PDE10A: variants seen among roughly 807,000 people sequenced by gnomAD.
The protein encoded by PDE10A is phosphodiesterase 10A.
PDE10A carries 39 observed loss-of-function variants against 97.7 expected under a neutral mutation model. That is an observed-to-expected ratio of 0.40 (90% confidence interval 0.31 to 0.52). The LOEUF (loss-of-function observed/expected upper bound fraction) is 0.52. Among genes scored for constraint, PDE10A ranks in the 20% least tolerant of loss-of-function variants. PDE10A has a pLI of 0.56. For synonymous variants in PDE10A, 371 were observed against 376.8 expected (o/e 0.98, Z 0.18); for missense variants, 731 against 1,047.8 (o/e 0.70, Z 4.17).
intron 1 of PDE10A, among the ~76,000 whole-genome samples, chr6:165,881,083 A>G (rs1781459196): frequency 6.6e-6 from 1 of 152,248 alleles, no homozygotes; most frequent in African/African-American, 2.4e-5. Context: ...AAACAAAACC[A>G]GACTTTGAAA....
At chr6:165,962,762 A>T (rs752181440) in intron 1 of PDE10A, among the ~76,000 whole-genome samples, 49 of 152,236 alleles carry the variant, frequency 3.2e-4, no homozygotes, top group Non-Finnish European at 6.9e-4. Flanking sequence ...ATTCTGGTTC[A>T]TAAAACCAAT....
At chr6:165,929,874 G>A (rs934518591) in intron 1 of PDE10A, among the ~76,000 whole-genome samples, 2 of 152,140 alleles carry the variant, frequency 1.3e-5, no homozygotes, top group South Asian at 4.2e-4. Flanking sequence ...GGCAGCAGGT[G>A]GGAAGAGAGT....
intron 1 of PDE10A, among the ~76,000 whole-genome samples, chr6:165,683,121 G>T (rs1301520790): frequency 1.3e-5 from 2 of 152,214 alleles, no homozygotes; most frequent in African/African-American, 4.8e-5. Flanking sequence ...TGAATGAACA[G>T]CAGGAAGGAA....
At chr6:165,642,938 A>G (rs896539466) in intron 1 of PDE10A, among the ~76,000 whole-genome samples, 2 of 152,130 alleles carry the variant, frequency 1.3e-5, no homozygotes, top group African/African-American at 4.8e-5. Flanking sequence ...TATGCCTCAT[A>G]CATATTTTTG....
intron 1 of PDE10A, among the ~76,000 whole-genome samples, chr6:165,860,192 G>A (rs538566855): frequency 1.3e-4 from 20 of 152,126 alleles, no homozygotes; most frequent in African/African-American, 3.4e-4. Context: ...AGTGGCTCAC[G>A]CCTGTAATCC....
At chr6:165,860,436 G>A (rs1562771490) in intron 1 of PDE10A, among the ~76,000 whole-genome samples, 1 of 152,122 alleles carries the variant, frequency 6.6e-6, no homozygotes, top group African/African-American at 2.4e-5. Context: ...TGGGCAACAA[G>A]AGTGAAACTC....
chr6:165,436,106 T>C (rs1397628247), intron 5 of PDE10A, among the ~76,000 whole-genome samples: 2 of 152,222 alleles, frequency 1.3e-5, no homozygotes, highest in Non-Finnish European at 2.9e-5. Flanking sequence ...ACTTTAATCA[T>C]GTAGAAATTG....
chr6:165,826,319 C>T (rs1343411155), intron 1 of PDE10A, among the ~76,000 whole-genome samples: 1 of 149,950 alleles, frequency 6.7e-6, no homozygotes, highest in Admixed American at 6.6e-5. Context: ...TCCCTCTGTC[C>T]CTGCATCCTT....
intron 18 of PDE10A, among the ~76,000 whole-genome samples, chr6:165,357,821 C>T (rs1223706144): frequency 6.6e-6 from 1 of 151,888 alleles, no homozygotes; most frequent in Non-Finnish European, 1.5e-5. Flanking sequence ...TCGAATCTTC[C>T]TTCTGTTGCT....
chr6:165,709,285 A>C (rs1349033719), intron 1 of PDE10A, among the ~76,000 whole-genome samples: 98 of 34,496 alleles, frequency 2.8e-3, no homozygotes, highest in South Asian at 6.3e-3. Context: ...CTGTCCTCCC[A>C]CTCTCCCCAC....
chr6:165,453,535 T>C (rs189367593), intron 3 of PDE10A, among the ~76,000 whole-genome samples: 37 of 152,348 alleles, frequency 2.4e-4, no homozygotes, highest in African/African-American at 8.7e-4. Context: ...ACCTCAGCTT[T>C]TGCTGCCCAG....
intron 1 of PDE10A, among the ~76,000 whole-genome samples, chr6:165,710,025 C>A (rs1791854608): frequency 6.6e-6 from 1 of 152,064 alleles, no homozygotes; most frequent in African/African-American, 2.4e-5. Flanking sequence ...CACAGTTTTG[C>A]TCAGCCCTGA....
chr6:165,758,613 C>G (rs1236684978), intron 1 of PDE10A, among the ~76,000 whole-genome samples: 1 of 145,332 alleles, frequency 6.9e-6, no homozygotes, highest in Non-Finnish European at 1.5e-5. Flanking sequence ...GCAGAAGAAG[C>G]AGCAGAAGAA....
Position 165,369,572 on chromosome 6 carries a change from A to T in PDE10A, c.2783+9622T>A. On this transcript the variant is annotated intron_variant, in intron 18 of 21. Coordinates refer to ENST00000539869, the MANE Select transcript of PDE10A (RefSeq NM_001385079.1). ...GAGCAAAGCCTCCAAGAAATATGGGACTATGTGAAAAGACCAAATCTATGT... is the reference window on the plus strand; with the variant it reads ...GAGCAAAGCCTCCAAGAAATATGGGTCTATGTGAAAAGACCAAATCTATGT... 1.4e-5 allele frequency among the ~76,000 whole-genome samples: 2 copies of T among 146,396 alleles called. 1 individual carries two copies. The highest frequency in any genetic ancestry group is 3.0e-5 in the Non-Finnish European group (2 of 67,112).
At chr6:165,727,297 G>C (rs184615236) in intron 1 of PDE10A, among the ~76,000 whole-genome samples, 11 of 152,194 alleles carry the variant, frequency 7.2e-5, no homozygotes, top group African/African-American at 2.4e-4. Flanking sequence ...CTTCGCTTAG[G>C]GTCACGCTTC....
intron 1 of PDE10A, among the ~76,000 whole-genome samples, chr6:165,840,728 T>C (rs1249912724): frequency 2.0e-5 from 3 of 152,216 alleles, no homozygotes; most frequent in Non-Finnish European, 4.4e-5. Context: ...TTTAACACAC[T>C]CTTATTTTTT....
At position 165,329,125 on chromosome 6, in the gene PDE10A, A is replaced by C. The variant is rs1156539283; in HGVS notation, c.*3900T>G. 1 of 152,358 alleles carries C rather than the reference A, an allele frequency of 6.6e-6. No homozygotes were observed. The highest frequency in any genetic ancestry group is 2.1e-4 in the South Asian group (1 of 4,826). The allele number at this position is 152,358 out of a possible 1,614,324, so 9.4% of individuals were successfully genotyped here. ...AATCTGCAAAGTGTAGAAAGCAAACATATGTTCGAAATATGTAAAGAGAGA... is the reference window on the plus strand; with the variant it reads ...AATCTGCAAAGTGTAGAAAGCAAACCTATGTTCGAAATATGTAAAGAGAGA... On this transcript the variant is annotated 3_prime_UTR_variant, in exon 22 of 22. Transcript: ENST00000539869.
chr6:165,567,519 C>A (rs536478314), intron 1 of PDE10A, among the ~76,000 whole-genome samples: 1 of 152,304 alleles, frequency 6.6e-6, no homozygotes, highest in Non-Finnish European at 1.5e-5. Flanking sequence ...ACTGACTCCA[C>A]TGCTAATAGT....
intron 1 of PDE10A, among the ~76,000 whole-genome samples, chr6:165,847,387 C>T (rs1403224989): frequency 2.6e-5 from 4 of 152,230 alleles, no homozygotes; most frequent in Non-Finnish European, 5.9e-5. Flanking sequence ...ATTAGCTACA[C>T]CTGTGTAATA....
Sources: gnomAD v4.1 joint callset for allele counts (sites outside exome capture counted in the v4.1 genomes callset) on GRCh38, gnomAD v4.1.1 for gene constraint, MANE v1.5 for transcripts, NCBI Gene and HGNC (gene_info 2026-07-23, HGNC 2026-07-21) for gene names.